Variants in ZNF33A observed in about 807,000 individuals in gnomAD.
The protein encoded by ZNF33A is brain my041 protein.
ZNF33A carries 9 observed loss-of-function variants against 15.9 expected under a neutral mutation model. The ratio of observed to expected loss-of-function variants is 0.57; its 90% CI spans 0.34 to 0.99. ZNF33A has a LOEUF of 0.99. Among genes scored for constraint, ZNF33A ranks in the 50% least tolerant of loss-of-function variants. The probability of loss-of-function intolerance (pLI) is 0.02; values close to 1 mark genes in which losing one functional copy is unlikely to be tolerated. For synonymous variants in ZNF33A, 294 were observed against 324.2 expected (o/e 0.91, Z 1.00); for missense variants, 843 against 941.6 (o/e 0.90, Z 1.37).
chr10:38,017,184 A>G (rs1049718312), intron 3 of ZNF33A, 107 bp from the exon 4 acceptor site: 135 of 1,392,102 alleles, frequency 9.7e-5, no homozygotes, highest in Non-Finnish European at 1.2e-4. Flanking sequence ...CTCTCCAGTG[A>G]AAATGTTCCA....
chr10:38,017,003 C>G lies in ZNF33A; in HGVS notation c.142C>G (p.Leu48Val), dbSNP rs1450051556. 3.7e-6 allele frequency: 6 copies of G among 1,605,406 alleles called. No individual in the cohort carries two copies. The highest frequency in any genetic ancestry group is 5.1e-6 in the Non-Finnish European group (6 of 1,177,194). ...TGTGATGCTGGAGAACTACAGCAACCTTGTCTCAGTGGGTAAGGTCTGTTC... is the reference window on the plus strand; with the variant it reads ...TGTGATGCTGGAGAACTACAGCAACGTTGTCTCAGTGGGTAAGGTCTGTTC... Reference protein sequence around the residue: ...RDVMLENYSNLVSVGYCVHKP... With the variant: ...RDVMLENYSNVVSVGYCVHKP... The change falls in exon 3 of 5, where the codon CTT (leucine) becomes GTT (valine). Residue 48 changes from leucine (L) to valine (V), a missense_variant. Leu to Val is a conservative substitution (Grantham distance 32). Transcript: ENST00000432900.
chr10:38,054,103 A>C (rs76367801), intron 4 of ZNF33A, among the ~76,000 whole-genome samples: 1,692 of 152,330 alleles, frequency 0.011, 40 homozygotes, highest in African/African-American at 0.039. Context: ...AGCTGCTATT[A>C]TTCTTCTTAC....
chr10:38,015,792 G>T (rs2064426191), intron 2 of ZNF33A, among the ~76,000 whole-genome samples: 2 of 152,232 alleles, frequency 1.3e-5, no homozygotes, highest in African/African-American at 4.8e-5. Context: ...ACATTTTGTT[G>T]TTCTTGCCTC....
chr10:38,048,691 C>T (rs2066065391), intron 4 of ZNF33A, among the ~76,000 whole-genome samples: 1 of 152,022 alleles, frequency 6.6e-6, no homozygotes, highest in Non-Finnish European at 1.5e-5. Flanking sequence ...AGATTTTTTT[C>T]ATATCGATAG....
At chr10:38,019,177 T>G (rs1168101733) in intron 4 of ZNF33A, among the ~76,000 whole-genome samples, 1 of 148,274 alleles carries the variant, frequency 6.7e-6, no homozygotes, top group African/African-American at 2.5e-5. Context: ...GATGTTCCCC[T>G]TCCTGTGTCC....
chr10:38,010,567 G>A, upstream of ZNF33A: 1 of 839,136 alleles, frequency 1.2e-6, no homozygotes, highest in Non-Finnish European at 2.0e-6. Context: ...CCAATCCGAA[G>A]GGCTGCTCGC....
chr10:38,039,467 T>G lies in ZNF33A; in HGVS notation c.251-14908T>G, dbSNP rs778911877. On this transcript the variant is annotated intron_variant, in intron 4 of 4. Coordinates refer to ENST00000432900, the MANE Select transcript of ZNF33A (RefSeq NM_006954.2). ...GTCTTAAACTCCTGAGTTCAAGTGA[T>G]CCACCTGCCTTGGCCTCCCAAAGTG... 1.5e-4 allele frequency: 67 copies of G among 455,630 alleles called. No individual in the cohort carries two copies. Among genetic ancestry groups the G allele is most frequent in the Non-Finnish European group, 2.6e-4 (59 of 226,546 alleles). The allele number at this position is 455,630 out of a possible 1,614,324, so 28.2% of individuals were successfully genotyped here.
chr10:38,045,141 C>T (rs1322514777), intron 4 of ZNF33A, among the ~76,000 whole-genome samples: 1 of 152,170 alleles, frequency 6.6e-6, no homozygotes, highest in Non-Finnish European at 1.5e-5. Flanking sequence ...ATACTTTGTG[C>T]TTCCTCTAGA....
At chr10:38,015,916 G>T (rs1249132291) in intron 2 of ZNF33A, 6 of 1,068,158 alleles carry the variant, frequency 5.6e-6, no homozygotes, top group Admixed American at 4.3e-5. Context: ...ACCTGGTCCT[G>T]TAATTTCAGT....
intron 4 of ZNF33A, among the ~76,000 whole-genome samples, chr10:38,023,473 G>C (rs1424702118): frequency 6.6e-6 from 1 of 152,054 alleles, no homozygotes; most frequent in African/African-American, 2.4e-5. Context: ...TTCAGAAATC[G>C]ATCAATGTAA....
Position 38,057,461 on chromosome 10 carries a change from A to C in ZNF33A, c.*901A>C, listed in dbSNP as rs557099771. The C allele has an allele frequency of 3.0e-5, 30 of 985,436 alleles. 1 individual carries two copies. The East Asian group carries it at 3.2e-3, about 104-fold the overall frequency. 61.0% of individuals were successfully genotyped at this position (985,436 alleles called of 1,614,324 possible). ...GTATGTGATATAAATCGTGTGTTTCATATGCATAATGGAATTTAACGTAAT... is the reference window on the plus strand; with the variant it reads ...GTATGTGATATAAATCGTGTGTTTCCTATGCATAATGGAATTTAACGTAAT... On this transcript the variant is annotated 3_prime_UTR_variant, in exon 5 of 5. Coordinates refer to ENST00000432900, the MANE Select transcript of ZNF33A (RefSeq NM_006954.2).
chr10:38,040,415 TG>T (rs2135689434), intron 4 of ZNF33A, among the ~76,000 whole-genome samples: 1 of 152,334 alleles, frequency 6.6e-6, no homozygotes, highest in South Asian at 2.1e-4. Flanking sequence ...CAATAAGTAT[TG>T]TAGACTTGTA....
rs1437850282 is a variant in ZNF33A at position 38,058,634 on chromosome 10, G to T, written c.*2074G>T. 1 of 152,212 alleles carries T rather than the reference G, an allele frequency of 6.6e-6. No individual in the cohort carries two copies. Among genetic ancestry groups the T allele is most frequent in the African/African-American group, 2.4e-5 (1 of 41,448 alleles). 9.4% of individuals were successfully genotyped at this position (152,212 alleles called of 1,614,324 possible). ...AAAATACAAAAAATTAGCTGGGCAT[G>T]GTGGCATGCGTGTGTAGTCGAAGCT... On this transcript the variant is annotated 3_prime_UTR_variant, in exon 5 of 5. Coordinates refer to ENST00000432900, the MANE Select transcript of ZNF33A (RefSeq NM_006954.2).
At chr10:38,067,636 T>C (rs1019084371), downstream of ZNF33A, among the ~76,000 whole-genome samples, 1 of 152,118 alleles carries the variant, frequency 6.6e-6, no homozygotes, top group African/African-American at 2.4e-5. Flanking sequence ...ACTTTTTGGA[T>C]ACACACTCCA....
At chr10:38,024,163 C>CAAAAAA (rs71007682) in intron 4 of ZNF33A, among the ~76,000 whole-genome samples, 99 of 93,174 alleles carry the variant, frequency 1.1e-3, no homozygotes, top group African/African-American at 2.1e-3. Context: ...AAAAACAAAA[C>CAAAAAA]AAAAAAAAAA....
At chr10:38,020,657 C>T (rs530404357) in intron 4 of ZNF33A, among the ~76,000 whole-genome samples, 4 of 152,260 alleles carry the variant, frequency 2.6e-5, no homozygotes, top group African/African-American at 9.6e-5. Context: ...TTGCATATGA[C>T]AGGATCTCTC....
At position 38,055,500 on chromosome 10, in the gene ZNF33A, A is replaced by G. The variant is rs766865582; in HGVS notation, c.1376A>G (p.His459Arg). The change falls in exon 5 of 5, where the codon CAC (histidine) becomes CGC (arginine). Residue 459 changes from histidine (H) to arginine (R), a missense_variant. By Grantham distance (29) the His-to-Arg change is conservative. Coordinates refer to ENST00000432900, the MANE Select transcript of ZNF33A (RefSeq NM_006954.2). The part of the protein sequence containing the change: ...SFRVTSHLKV[H>R]QRTHTGEKPF... ...CGTGTGACTTCGCACCTTAAAGTACACCAGAGAACTCACACAGGTGAGAAA... is the reference window on the plus strand; with the variant it reads ...CGTGTGACTTCGCACCTTAAAGTACGCCAGAGAACTCACACAGGTGAGAAA... 6.2e-7 allele frequency: 1 copy of G among 1,614,078 alleles called. No individual in the cohort carries two copies. The highest frequency in any genetic ancestry group is 8.5e-7 in the Non-Finnish European group (1 of 1,179,982).
rs150302518 is a variant in ZNF33A at position 38,024,748 on chromosome 10, A to C, written c.250+7362A>C. On this transcript the variant is annotated intron_variant, in intron 4 of 4. Coordinates refer to ENST00000432900, the MANE Select transcript of ZNF33A (RefSeq NM_006954.2). ...ACCTGAGGCCAGCTGTGGTTCAAAAATATTAAATAGGAAACTTCAGAAATA... is the reference window on the plus strand; with the variant it reads ...ACCTGAGGCCAGCTGTGGTTCAAAACTATTAAATAGGAAACTTCAGAAATA... Among the ~76,000 whole-genome samples the C allele has an allele frequency of 8.7e-4, 133 of 152,390 alleles. 1 individual carries two copies. In the Middle Eastern group the frequency reaches 0.024, roughly 27 times the overall value.
chr10:38,010,910 G>A (rs1189655767), intron 1 of ZNF33A, 127 bp downstream of exon 1: 2 of 1,202,102 alleles, frequency 1.7e-6, no homozygotes, highest in African/African-American at 1.5e-5. Context: ...GGCGGGGACG[G>A]CGGGGCTGCA....
Sources: allele counts gnomAD v4.1 joint callset (sites outside exome capture counted in the v4.1 genomes callset), GRCh38; gene constraint gnomAD v4.1.1; transcripts MANE v1.5; gene names NCBI Gene and HGNC (gene_info 2026-07-23, HGNC 2026-07-21).